GPHN: variants seen among roughly 807,000 people sequenced by gnomAD.
GPHN encodes gephyrin.
GPHN carries 17 observed loss-of-function variants against 95.5 expected under a neutral mutation model. The ratio of observed to expected loss-of-function variants is 0.18; its 90% CI spans 0.12 to 0.27. The LOEUF is 0.27. Among genes scored for constraint, GPHN ranks in the 10% least tolerant of loss-of-function variants. The pLI, the probability that GPHN is intolerant of heterozygous loss-of-function variation, is 1.00. For missense variants in GPHN, 660 were observed against 978.1 expected (o/e 0.67, Z 4.34); for synonymous variants, 320 against 322.5 (o/e 0.99, Z 0.08).
At chr14:67,016,837 A>T (rs1460410895) in intron 9 of GPHN, among the ~76,000 whole-genome samples, 1 of 152,100 alleles carries the variant, frequency 6.6e-6, no homozygotes, top group Non-Finnish European at 1.5e-5. Flanking sequence ...CTTTATTCTT[A>T]TTGTGCCTCA....
intron 1 of GPHN, among the ~76,000 whole-genome samples, chr14:66,672,439 G>A (rs933741070): frequency 9.9e-5 from 15 of 152,112 alleles, no homozygotes; most frequent in Non-Finnish European, 2.1e-4. Context: ...TATTAGTGCT[G>A]TTGAATTCAG....
chr14:67,421,689 T>A, the GPHN span, among the ~76,000 whole-genome samples: 2 of 152,184 alleles, frequency 1.3e-5, no homozygotes, highest in Non-Finnish European at 2.9e-5. Flanking sequence ...TCTAGAGATG[T>A]GCATTCGGAG....
At chr14:66,765,508 G>T (rs1027863073) in intron 2 of GPHN, among the ~76,000 whole-genome samples, 7 of 152,146 alleles carry the variant, frequency 4.6e-5, no homozygotes, top group African/African-American at 7.2e-5. Flanking sequence ...GTGAACTAAT[G>T]CAGGAACAGA....
intron 9 of GPHN, chr14:66,996,355 G>A: frequency 1.6e-6 from 1 of 636,970 alleles, no homozygotes; most frequent in Admixed American, 2.5e-5. Flanking sequence ...GATACCAAAG[G>A]GGGAAAATTC....
the GPHN span, chr14:67,691,016 T>G: frequency 1.4e-6 from 1 of 711,848 alleles, no homozygotes; most frequent in Admixed American, 2.0e-5. Flanking sequence ...CAAACTATTA[T>G]GCACACATGG....
the GPHN span, chr14:67,364,739 T>G: frequency 9.4e-6 from 15 of 1,595,130 alleles, no homozygotes; most frequent in African/African-American, 1.3e-5. Context: ...AACTGAATAC[T>G]TACTTAATTC....
intron 1 of GPHN, among the ~76,000 whole-genome samples, chr14:66,617,058 G>C (rs1267163084): frequency 6.6e-6 from 1 of 152,128 alleles, no homozygotes; most frequent in Non-Finnish European, 1.5e-5. Context: ...TGGTGGAGGG[G>C]TTATGCTTTA....
At chr14:67,559,625 G>A in the GPHN span, 5 of 1,599,838 alleles carry the variant, frequency 3.1e-6, no homozygotes, top group Middle Eastern at 1.7e-4. Context: ...TGAGGGCAGA[G>A]GAAGCAAAAA....
At chr14:67,020,667 T>C (rs1273408281) in intron 9 of GPHN, among the ~76,000 whole-genome samples, 1 of 152,160 alleles carries the variant, frequency 6.6e-6, no homozygotes, top group South Asian at 2.1e-4. Flanking sequence ...TGTTTTTTAT[T>C]TTCTCCATTG....
chr14:67,337,566 TTAAAA>T, the GPHN span: 1 of 151,036 alleles, frequency 6.6e-6, no homozygotes, highest in Non-Finnish European at 1.5e-5. Flanking sequence ...TGTCACTTGA[TTAAAA>T]TACAGTATTA....
At chr14:67,444,992 C>G in the GPHN span, among the ~76,000 whole-genome samples, 1 of 152,162 alleles carries the variant, frequency 6.6e-6, no homozygotes, top group African/African-American at 2.4e-5. Flanking sequence ...AACTCCTGAC[C>G]TCAAGTGATC....
At chr14:66,652,995 C>T (rs1339724654) in intron 1 of GPHN, among the ~76,000 whole-genome samples, 1 of 152,192 alleles carries the variant, frequency 6.6e-6, no homozygotes, top group East Asian at 1.9e-4. Context: ...CCTGTCAATT[C>T]AGCTGTCTGG....
At chr14:67,555,019 C>G in the GPHN span, among the ~76,000 whole-genome samples, 12 of 152,118 alleles carry the variant, frequency 7.9e-5, no homozygotes, top group African/African-American at 2.7e-4. Context: ...CTCAAGTGAT[C>G]CGCCTGCCTC....
At chr14:67,320,338 A>G in the GPHN span, 1 of 1,613,516 alleles carries the variant, frequency 6.2e-7, no homozygotes, top group Non-Finnish European at 8.5e-7. Flanking sequence ...TGTGGCCAGA[A>G]TGAATTGCGT....
intron 2 of GPHN, among the ~76,000 whole-genome samples, chr14:66,713,859 C>A (rs1476369484): frequency 6.6e-6 from 1 of 152,148 alleles, no homozygotes; most frequent in Non-Finnish European, 1.5e-5. Flanking sequence ...ACCTCCACCT[C>A]CCAGGTTCAA....
At chr14:67,131,519 G>T (rs1414786607) in intron 17 of GPHN, among the ~76,000 whole-genome samples, 1 of 152,060 alleles carries the variant, frequency 6.6e-6, no homozygotes, top group East Asian at 1.9e-4. Context: ...AAGTCCAAAA[G>T]CCTTGACCAT....
intron 9 of GPHN, among the ~76,000 whole-genome samples, chr14:66,976,961 A>T (rs75861644): frequency 1.7e-4 from 25 of 150,564 alleles, no homozygotes; most frequent in African/African-American, 5.7e-4. Context: ...CTAAAAATTT[A>T]AAACAACACA....
intron 3 of GPHN, among the ~76,000 whole-genome samples, chr14:66,787,665 AT>A (rs2059824672): frequency 6.6e-6 from 1 of 152,116 alleles, no homozygotes; most frequent in Admixed American, 6.5e-5. Context: ...AGAACCTATA[AT>A]AGGCTTATAC....
intron 4 of GPHN, among the ~76,000 whole-genome samples, chr14:66,875,116 G>T (rs1006103134): frequency 4.6e-5 from 7 of 152,170 alleles, no homozygotes; most frequent in African/African-American, 1.7e-4. Context: ...CATTCTTAAA[G>T]AAAAGAATTT....
Sources: allele counts gnomAD v4.1 joint callset (sites outside exome capture counted in the v4.1 genomes callset), GRCh38; gene constraint gnomAD v4.1.1; transcripts MANE v1.5; gene names NCBI Gene and HGNC (gene_info 2026-07-23, HGNC 2026-07-21).